DOT1L: variants seen among roughly 807,000 people sequenced by gnomAD.
DOT1L encodes DOT1 like histone lysine methyltransferase, also known as histone-lysine N-methyltransferase, H3 lysine-79 specific.
Under a neutral mutation model 153.3 loss-of-function variants are expected in DOT1L, and 33 were observed. That is an observed-to-expected ratio of 0.22 (90% CI 0.16 to 0.29). The LOEUF is 0.29. DOT1L is among the 10% of genes least tolerant of loss of function. The pLI, the probability that DOT1L is intolerant of heterozygous loss-of-function variation, is 1.00. For synonymous variants in DOT1L, 1,135 were observed against 965.1 expected (o/e 1.18, Z -3.26); for missense variants, 1,847 against 2,119.9 (o/e 0.87, Z 2.53).
intron 2 of DOT1L, among the ~76,000 whole-genome samples, chr19:2,183,111 T>A (rs2022319143): frequency 1.3e-5 from 2 of 152,150 alleles, no homozygotes. Context: ...CCGACGACGT[T>A]CTTACACAGC....
At position 2,223,345 on chromosome 19, in the gene DOT1L, G is replaced by A. The variant is rs1373203131; in HGVS notation, c.3455G>A (p.Ser1152Asn). The part of the protein sequence containing the change: ...AISSPETSLK[S>N]SPVPYQDHDQ... ...TCGTCCCCGGAGACCTCCCTGAAGA[G>A]CTCCCCTGTGCCCTACCAGGACCAC... The change falls in exon 25 of 28, where the codon AGC becomes AAC. Residue 1152 changes from serine to asparagine, a missense_variant. Ser to Asn is a conservative substitution (Grantham distance 46). Around this residue, in one of 8 missense-constraint regions of DOT1L, gnomAD observed 934 missense variants for 825.3 expected, o/e 1.13. Coordinates refer to ENST00000398665, the MANE Select transcript of DOT1L (RefSeq NM_032482.3). 3 of 1,613,746 alleles carry A rather than the reference G, an allele frequency of 1.9e-6. No individual in the cohort carries two copies. The highest frequency in any genetic ancestry group is 4.5e-5 in the East Asian group (2 of 44,876).
At chr19:2,229,003 C>A in intron 27 of DOT1L, 2 of 985,422 alleles carry the variant, frequency 2.0e-6, no homozygotes, top group Non-Finnish European at 2.4e-6. Flanking sequence ...CGTGTTGAGG[C>A]CCCCTTGCTG....
At chr19:2,168,177 A>T (rs1409034969) in intron 1 of DOT1L, among the ~76,000 whole-genome samples, 2 of 152,124 alleles carry the variant, frequency 1.3e-5, no homozygotes, top group African/African-American at 4.8e-5. Context: ...AACCTGTCAA[A>T]TGAAGACAGG....
chr19:2,171,955 C>T (rs929367679), intron 1 of DOT1L, among the ~76,000 whole-genome samples: 7 of 152,188 alleles, frequency 4.6e-5, no homozygotes, highest in African/African-American at 7.2e-5. Context: ...CCCGGCTCCA[C>T]GTCCTTCCTG....
rs1568362900 is a variant in DOT1L at position 2,217,316 on chromosome 19, C to T, written c.2544+226C>T. 6.6e-6 allele frequency among the ~76,000 whole-genome samples: 1 copy of T among 152,188 alleles called. No homozygotes were observed. The highest frequency in any genetic ancestry group is 6.5e-5 in the Admixed American group (1 of 15,286). On this transcript the variant is annotated intron_variant, in intron 21 of 27. Coordinates refer to ENST00000398665, the MANE Select transcript of DOT1L (RefSeq NM_032482.3). The surrounding 1 kb of genome is among the most constrained non-coding windows in gnomAD (Gnocchi z 7.3). ...GGACATGGGGTTTGTCAGGGTGTCC[C>T]TGATGCCTCTTAGTTCTCAGTGACG... is the stretch of plus-strand genomic sequence containing the variant.
Position 2,230,635 on chromosome 19 carries a change from A to G in DOT1L, c.*843A>G, listed in dbSNP as rs940292399. 1 of 398,582 alleles carries G rather than the reference A, an allele frequency of 2.5e-6. No individual in the cohort carries two copies. Among genetic ancestry groups the G allele is most frequent in the Non-Finnish European group, 4.4e-6 (1 of 226,062 alleles). 24.7% of individuals were successfully genotyped at this position (398,582 alleles called of 1,614,324 possible). A position where few individuals can be genotyped will look rare whatever the true frequency, so the allele number is the denominator to read the frequency against. On this transcript the variant is annotated 3_prime_UTR_variant, in exon 28 of 28. Transcript: ENST00000398665. The stretch of plus-strand genomic sequence containing the variant: ...TTTCTGTACAGGAGAGAGTCACACT[A>G]ATGAGTGGCAGTATTTTATAGAGAT...
intron 22 of DOT1L, 121 bp downstream of exon 22, chr19:2,218,039 C>T (rs1053842392): frequency 2.9e-6 from 4 of 1,399,386 alleles, no homozygotes; most frequent in East Asian, 2.5e-5. Context: ...TGAGGCAATG[C>T]AGTCAAGGTG....
Position 2,201,994 on chromosome 19 carries a change from G to A in DOT1L, c.708-706G>A, listed in dbSNP as rs191154868. On this transcript the variant is annotated intron_variant, in intron 8 of 27. Coordinates refer to ENST00000398665, the MANE Select transcript of DOT1L (RefSeq NM_032482.3). ...TCACGATGGTGGTGGCTTTGGAGGTGTGCATCACGGAGCTTCCTTCCCTGA... is the reference window on the plus strand; with the variant it reads ...TCACGATGGTGGTGGCTTTGGAGGTATGCATCACGGAGCTTCCTTCCCTGA... Among the ~76,000 whole-genome samples the A allele has an allele frequency of 2.0e-3, 305 of 152,338 alleles. 2 individuals carry two copies. The highest frequency in any genetic ancestry group is 6.8e-3 in the African/African-American group (281 of 41,576).
At chr19:2,227,376 G>A (rs1461858291) in intron 27 of DOT1L, 3 of 712,836 alleles carry the variant, frequency 4.2e-6, no homozygotes, top group South Asian at 1.5e-5. Flanking sequence ...GCCACCGTGC[G>A]CAGGGCCACC....
At chr19:2,225,133 C>A (rs1364688730) in intron 25 of DOT1L, among the ~76,000 whole-genome samples, 4 of 152,206 alleles carry the variant, frequency 2.6e-5, no homozygotes, top group Admixed American at 2.6e-4. Context: ...TGTGCCTGAT[C>A]TCTTGGCTGC....
chr19:2,169,883 A>C (rs1050176344), intron 1 of DOT1L, among the ~76,000 whole-genome samples: 6 of 152,214 alleles, frequency 3.9e-5, no homozygotes, highest in African/African-American at 1.4e-4. Context: ...TTGCCCAGGC[A>C]CGGTGGCTCA....
chr19:2,227,493 G>T, intron 27 of DOT1L: 1 of 536,106 alleles, frequency 1.9e-6, no homozygotes, highest in Non-Finnish European at 3.5e-6. Context: ...CGCAGTGCCT[G>T]CCCAGACAGG....
rs965656367 is a variant in DOT1L at position 2,203,945 on chromosome 19, C to T, written c.787+1166C>T. On this transcript the variant is annotated intron_variant, in intron 9 of 27. Coordinates refer to ENST00000398665, the MANE Select transcript of DOT1L (RefSeq NM_032482.3). Reference sequence around the variant, plus strand: ...GGGTACCCCCTCTTCCTCCCAACTGCTCCCCACCTGTCCTCTCTAGGGAGG... The same window carrying T: ...GGGTACCCCCTCTTCCTCCCAACTGTTCCCCACCTGTCCTCTCTAGGGAGG... Among the ~76,000 whole-genome samples the T allele has an allele frequency of 2.6e-5, 4 of 152,362 alleles. No individual in the cohort carries two copies. In the East Asian group the frequency reaches 7.7e-4, roughly 29 times the overall value.
In DOT1L at chr19:2,219,246, G is replaced by C. The variant is rs373416788; in HGVS notation, c.2692-862G>C. On this transcript the variant is annotated intron_variant, in intron 22 of 27. Coordinates refer to ENST00000398665, the MANE Select transcript of DOT1L (RefSeq NM_032482.3). ...TGGTCTCGAACTCCTGGCCTCAGTC[G>C]ACCCACCCGCCTCGGCCTCCCACAG... Among the ~76,000 whole-genome samples the C allele has an allele frequency of 4.0e-4, 61 of 152,234 alleles. 1 individual carries two copies. Among genetic ancestry groups the C allele is most frequent in the African/African-American group, 1.3e-3 (54 of 41,540 alleles).
Position 2,217,177 on chromosome 19 carries a change from G to C in DOT1L, c.2544+87G>C. 1 of 1,458,606 alleles carries C rather than the reference G, an allele frequency of 6.9e-7. No individual in the cohort carries two copies. Among genetic ancestry groups the C allele is most frequent in the African/African-American group, 1.4e-5 (1 of 70,904 alleles). The allele number at this position is 1,458,606 out of a possible 1,614,324, so 90.4% of individuals were successfully genotyped here. A position where few individuals can be genotyped will look rare whatever the true frequency, so the allele number is the denominator to read the frequency against. ...GTTGCTAGCAGGAGGGCTTGTCCTA[G>C]TTGACCTTGGGGCACGGTGAGGTAC... is the stretch of plus-strand genomic sequence containing the variant. On this transcript the variant is annotated intron_variant, in intron 21 of 27. Coordinates refer to ENST00000398665, the MANE Select transcript of DOT1L (RefSeq NM_032482.3). This position sits in a 1 kb window ranked among gnomAD's most constrained non-coding sequence, Gnocchi z 7.3.
chr19:2,222,945 C>T lies in DOT1L; in HGVS notation c.3391-336C>T, dbSNP rs1161482298. On this transcript the variant is annotated intron_variant, in intron 24 of 27. Coordinates refer to ENST00000398665, the MANE Select transcript of DOT1L (RefSeq NM_032482.3). The surrounding 1 kb of genome is among the most constrained non-coding windows in gnomAD (Gnocchi z 6.5). ...GCCATGACTGAGCCCGGCCATCCTC[C>T]ACCACGTGCGGCCTGGCAGCCTGGG... 3 of 440,436 alleles carry T rather than the reference C, an allele frequency of 6.8e-6. No homozygotes were observed. The highest frequency in any genetic ancestry group is 1.2e-5 in the Non-Finnish European group (3 of 247,832). The allele number at this position is 440,436 out of a possible 1,614,324, so 27.3% of individuals were successfully genotyped here.
chr19:2,220,053 T>C lies in DOT1L; in HGVS notation c.2692-55T>C. 6.6e-7 allele frequency: 1 copy of C among 1,512,198 alleles called. No individual in the cohort carries two copies. The highest frequency in any genetic ancestry group is 1.8e-5 in the Admixed American group (1 of 54,836). The allele number at this position is 1,512,198 out of a possible 1,614,324, so 93.7% of individuals were successfully genotyped here. A position where few individuals can be genotyped will look rare whatever the true frequency, so the allele number is the denominator to read the frequency against. On this transcript the variant is annotated intron_variant, in intron 22 of 27. Coordinates refer to ENST00000398665, the MANE Select transcript of DOT1L (RefSeq NM_032482.3). The surrounding 1 kb of genome is among the most constrained non-coding windows in gnomAD (Gnocchi z 4.5). The stretch of plus-strand genomic sequence containing the variant: ...CAACACTCACTGTTTCCAGCTGGGT[T>C]CTGGGTCTCCTGGGGCACCTGCTGC...
At chr19:2,176,225 C>T (rs892473874) in intron 1 of DOT1L, among the ~76,000 whole-genome samples, 7 of 152,066 alleles carry the variant, frequency 4.6e-5, no homozygotes, top group East Asian at 1.9e-4. Flanking sequence ...CCCCAGCCCT[C>T]GGTCCACACA....
chr19:2,189,996 C>T (rs1376413610), intron 4 of DOT1L, among the ~76,000 whole-genome samples: 1 of 152,172 alleles, frequency 6.6e-6, no homozygotes, highest in Non-Finnish European at 1.5e-5. Context: ...GGCCGTGTGC[C>T]AAAGCAGAGC....
Sources: allele counts gnomAD v4.1 joint callset (sites outside exome capture counted in the v4.1 genomes callset), GRCh38; gene constraint gnomAD v4.1.1; regional missense constraint gnomAD v4.1.1; non-coding constraint Gnocchi (gnomAD v3.1); transcripts MANE v1.5; gene names NCBI Gene and HGNC (gene_info 2026-07-23, HGNC 2026-07-21).